Variants in PCDHGB1 observed in about 807,000 individuals in gnomAD.
The protein encoded by PCDHGB1 is protocadherin gamma subfamily B, 1, also known as protocadherin gamma-B1.
Under a neutral mutation model 56.6 loss-of-function variants are expected in PCDHGB1, and 34 were observed. That is an observed-to-expected ratio of 0.60 (90% CI 0.46 to 0.80). The LOEUF is 0.80. PCDHGB1 is among the 30% of genes least tolerant of loss of function. The pLI is 0.00. For missense variants in PCDHGB1, 1,278 were observed against 1,204.6 expected (o/e 1.06, Z -0.90); for synonymous variants, 561 against 505.9 (o/e 1.11, Z -1.46).
At chr5:141,400,592 G>T in intron 1 of PCDHGB1, 1 of 1,603,196 alleles carries the variant, frequency 6.2e-7, no homozygotes, top group Non-Finnish European at 8.5e-7. Context: ...TGAAACTATC[G>T]TACATTTTCA....
rs777710801 is a variant in PCDHGB1, at chr5:141,400,340, A to G, written c.2409+47671A>G. On this transcript the variant is annotated intron_variant, in intron 1 of 3. Transcript: ENST00000523390. ...AAGTCTGGACCTGTGGTTCCCCCCA[A>G]CTACAGTCAGGGGACTTTGCCTTAT... The G allele has an allele frequency of 5.0e-6, 8 of 1,613,856 alleles. No homozygotes were observed. The highest frequency in any genetic ancestry group is 1.3e-5 in the African/African-American group (1 of 74,922).
At chr5:141,464,883 T>G (rs995385615) in intron 1 of PCDHGB1, among the ~76,000 whole-genome samples, 1 of 152,086 alleles carries the variant, frequency 6.6e-6, no homozygotes, top group African/African-American at 2.4e-5. Flanking sequence ...GGACTACAGA[T>G]GGATGCCACC....
chr5:141,485,865 C>A lies in PCDHGB1; in HGVS notation c.2410-8942C>A. ...TCTGGCACCGCAGAGCTCCGGGTAT[C>A]CGTGCTGGACGTAAACGACAACGCC... On this transcript the variant is annotated intron_variant, in intron 1 of 3. Transcript: ENST00000523390. The surrounding 1 kb of genome is among the most constrained non-coding windows in gnomAD (Gnocchi z 5.7). 1 of 1,614,182 alleles carries A rather than the reference C, an allele frequency of 6.2e-7. No homozygotes were observed. The highest frequency in any genetic ancestry group is 8.5e-7 in the Non-Finnish European group (1 of 1,180,034).
chr5:141,383,152 G>A lies in PCDHGB1; in HGVS notation c.2409+30483G>A, dbSNP rs200500982. 5.1e-5 allele frequency: 83 copies of A among 1,614,124 alleles called. No individual in the cohort carries two copies. The African/African-American group carries it at 8.8e-4, about 17-fold the overall frequency. Reference sequence around the variant, plus strand: ...CCTGAACCAGCGCAGCGGCAGCTTGGTCACTGCGGGCAGGATAGACCGGGA... The same window carrying A: ...CCTGAACCAGCGCAGCGGCAGCTTGATCACTGCGGGCAGGATAGACCGGGA... On this transcript the variant is annotated intron_variant, in intron 1 of 3. Coordinates refer to ENST00000523390, the MANE Select transcript of PCDHGB1 (RefSeq NM_018922.3).
intron 1 of PCDHGB1, among the ~76,000 whole-genome samples, chr5:141,460,987 ATATATATATGTG>A (rs2099005819): frequency 1.1e-5 from 1 of 92,944 alleles, no homozygotes; most frequent in Admixed American, 9.9e-5. Flanking sequence ...GTGTGTGTAT[ATATATATATGTG>A]TATATATATA....
chr5:141,455,158 T>TG (rs1279537888), intron 1 of PCDHGB1, among the ~76,000 whole-genome samples: 46 of 145,032 alleles, frequency 3.2e-4, no homozygotes, highest in African/African-American at 1.0e-3. Flanking sequence ...ATTAGTTTGT[T>TG]GGTTTTTTTT....
intron 1 of PCDHGB1, among the ~76,000 whole-genome samples, chr5:141,401,837 A>G (rs1302723544): frequency 6.6e-6 from 1 of 152,198 alleles, no homozygotes; most frequent in Non-Finnish European, 1.5e-5. Context: ...ATTTCTTATA[A>G]TACCACTTAC....
At chr5:141,390,146 T>C (rs2092063198) in intron 1 of PCDHGB1, 1 of 1,614,026 alleles carries the variant, frequency 6.2e-7, no homozygotes, top group Non-Finnish European at 8.5e-7. Context: ...ATCTATGTGT[T>C]GCACATACAG....
At chr5:141,361,752 G>T (rs1860253) in intron 1 of PCDHGB1, 5 of 1,613,022 alleles carry the variant, frequency 3.1e-6, no homozygotes, top group East Asian at 4.5e-5. Flanking sequence ...ACCAGGGCTC[G>T]CCCGCGCTCA....
In PCDHGB1 at chr5:141,432,218, A is replaced by T. The variant is rs570925415; in HGVS notation, c.2410-62589A>T. On this transcript the variant is annotated intron_variant, in intron 1 of 3. Transcript: ENST00000523390. This position sits in a 1 kb window ranked among gnomAD's most constrained non-coding sequence, Gnocchi z 6.0. Reference sequence around the variant, plus strand: ...CCCCGACTGTGAAGAGAACGCCCAGATCACTTATTCCCTGGCTGAGAACAC... The same window carrying T: ...CCCCGACTGTGAAGAGAACGCCCAGTTCACTTATTCCCTGGCTGAGAACAC... The T allele has an allele frequency of 6.2e-7, 1 of 1,614,148 alleles. No homozygotes were observed. The highest frequency in any genetic ancestry group is 1.3e-5 in the African/African-American group (1 of 75,030).
chr5:141,434,861 T>C (rs1157640770), intron 1 of PCDHGB1, among the ~76,000 whole-genome samples: 1 of 151,998 alleles, frequency 6.6e-6, no homozygotes, highest in Non-Finnish European at 1.5e-5. Context: ...TAAATTTATA[T>C]ATATGTGACA....
At chr5:141,422,561 A>T in intron 1 of PCDHGB1, 1 of 1,613,992 alleles carries the variant, frequency 6.2e-7, no homozygotes, top group Non-Finnish European at 8.5e-7. Context: ...AATGTGGCAG[A>T]TGACAACGAT....
At chr5:141,460,456 T>C (rs2098989632) in intron 1 of PCDHGB1, among the ~76,000 whole-genome samples, 1 of 152,124 alleles carries the variant, frequency 6.6e-6, no homozygotes, top group South Asian at 2.1e-4. Flanking sequence ...AAGATTCATA[T>C]TTTTTTCCAA....
At chr5:141,356,162 C>G in intron 1 of PCDHGB1, 1 of 1,613,176 alleles carries the variant, frequency 6.2e-7, no homozygotes, top group Non-Finnish European at 8.5e-7. Flanking sequence ...GATGTAGAAG[C>G]CCATGATGGG....
At position 141,431,869 on chromosome 5, in the gene PCDHGB1, T is replaced by C. The variant is rs140856757; in HGVS notation, c.2410-62938T>C. ...GAGGGACATTAATTGCCCTTTTAAA[T>C]GTAAATGACCAAGATTCTGAGGAAA... is the stretch of plus-strand genomic sequence containing the variant. On this transcript the variant is annotated intron_variant, in intron 1 of 3. Transcript: ENST00000523390. The surrounding 1 kb of genome is among the most constrained non-coding windows in gnomAD (Gnocchi z 4.8). 8.5e-4 allele frequency: 1,376 copies of C among 1,614,252 alleles called. 2 individuals carry two copies. Among genetic ancestry groups the C allele is most frequent in the Non-Finnish European group, 1.1e-3 (1,291 of 1,180,028 alleles).
At chr5:141,510,887 G>C (rs2099883217) in intron 3 of PCDHGB1, 60 bp from the exon 4 acceptor site, 2 of 1,612,600 alleles carry the variant, frequency 1.2e-6, no homozygotes, top group East Asian at 4.5e-5. Context: ...GGGGATATAA[G>C]ACAGTGACTG....
At chr5:141,357,232 C>A (rs753504558) in intron 1 of PCDHGB1, 1 of 1,613,846 alleles carries the variant, frequency 6.2e-7, no homozygotes, top group East Asian at 2.2e-5. Context: ...CTTGGGCAGC[C>A]TCAAGCCTTC....
At chr5:141,371,887 C>T (rs372336757) in intron 1 of PCDHGB1, 2 of 1,613,424 alleles carry the variant, frequency 1.2e-6, no homozygotes, top group African/African-American at 1.3e-5. Flanking sequence ...GACCTGGAGC[C>T]GCGGGAGCTG....
chr5:141,463,510 G>A (rs1031854898), intron 1 of PCDHGB1, among the ~76,000 whole-genome samples: 4 of 143,710 alleles, frequency 2.8e-5, no homozygotes, highest in Non-Finnish European at 4.5e-5. Context: ...GTGACGTGGC[G>A]TGATCTCGGC....
Sources: allele counts gnomAD v4.1 joint callset (sites outside exome capture counted in the v4.1 genomes callset), GRCh38; gene constraint gnomAD v4.1.1; non-coding constraint Gnocchi (gnomAD v3.1); transcripts MANE v1.5; gene names NCBI Gene and HGNC (gene_info 2026-07-23, HGNC 2026-07-21).